Variants in KLHL15 observed in about 807,000 individuals in gnomAD.
KLHL15 encodes the protein kelch-like protein 15.
In KLHL15, 1 loss-of-function variant was observed where a neutral mutation model predicts 29.3. The ratio of observed to expected loss-of-function variants is 0.03; its 90% CI spans 0.01 to 0.16. The LOEUF (loss-of-function observed/expected upper bound fraction) is 0.16. Ranked by LOEUF, KLHL15 falls within the 10% of genes least tolerant of loss-of-function variation. The probability of loss-of-function intolerance (pLI) is 1.00; values close to 1 mark genes in which losing one functional copy is unlikely to be tolerated. For missense variants in KLHL15, 215 were observed against 478.5 expected (o/e 0.45, Z 5.14); for synonymous variants, 212 against 184.5 (o/e 1.15, Z -1.21).
intron 2 of KLHL15, among the ~76,000 whole-genome samples, chrX:24,017,310 A>T (rs181387987): frequency 1.8e-5 from 2 of 110,775 alleles, no homozygotes; most frequent in East Asian, 5.6e-4. Flanking sequence ...TTACTGTGTG[A>T]CCTACAGAAA....
At chrX:24,017,596 C>T (rs190819036) in intron 2 of KLHL15, among the ~76,000 whole-genome samples, 20 of 108,812 alleles carry the variant, frequency 1.8e-4, no homozygotes, top group Middle Eastern at 4.8e-3. Context: ...GCATGGGCAA[C>T]GTGGCAAAAC....
In KLHL15 at chrX:24,017,037, A is replaced by G. The variant is rs190561057; in HGVS notation, c.-8+7820T>C. ...AAGACTAGATTCTAGCCTGCGCAACATATCAAAACCCCGTCTCTACAAAAA... is the reference window on the plus strand; with the variant it reads ...AAGACTAGATTCTAGCCTGCGCAACGTATCAAAACCCCGTCTCTACAAAAA... On this transcript the variant is annotated intron_variant, in intron 2 of 3. Coordinates refer to ENST00000328046, the MANE Select transcript of KLHL15 (RefSeq NM_030624.3). 7.3e-5 allele frequency among the ~76,000 whole-genome samples: 8 copies of G among 110,097 alleles called. No individual in the cohort carries two copies. In the East Asian group the frequency reaches 2.0e-3, roughly 28 times the overall value.
chrX:24,009,033 C>T (rs1929518161), intron 2 of KLHL15, among the ~76,000 whole-genome samples: 1 of 111,416 alleles, frequency 9.0e-6, no homozygotes, highest in Admixed American at 9.6e-5. Flanking sequence ...TACACATCTT[C>T]TGATCAATCA....
At position 23,987,691 on chromosome X, in the gene KLHL15, AC is replaced by A; in HGVS notation, c.*229del. 2.9e-6 allele frequency: 1 copy of A among 346,151 alleles called. No homozygotes were observed. The highest frequency in any genetic ancestry group is 5.3e-5 in the Admixed American group (1 of 18,855). The allele number at this position is 346,151 out of a possible 1,213,427, so 28.5% of individuals were successfully genotyped here. On this transcript the variant is annotated 3_prime_UTR_variant, in exon 4 of 4. Transcript: ENST00000328046. ...CCAGATAAGTGGAGCATTCTATTCA[AC>A]TGCTTCTGGAAGTAGTTTCAAGAGC...
intron 2 of KLHL15, among the ~76,000 whole-genome samples, chrX:24,013,519 C>G (rs1183501245): frequency 3.6e-5 from 4 of 110,726 alleles, no homozygotes; most frequent in African/African-American, 1.3e-4. Flanking sequence ...CTGCCTCGGC[C>G]TCCCAAAGTG....
intron 3 of KLHL15, among the ~76,000 whole-genome samples, chrX:23,998,285 G>A (rs1351055697): frequency 9.4e-6 from 1 of 106,380 alleles, no homozygotes; most frequent in Non-Finnish European, 1.9e-5. Flanking sequence ...GTGAGACGGA[G>A]TCTTGCTGTT....
chrX:24,006,906 A>ACATCAATAGTT, intron 2 of KLHL15, among the ~76,000 whole-genome samples: 2 of 112,086 alleles, frequency 1.8e-5, no homozygotes, highest in East Asian at 5.6e-4. Context: ...TATTAAAGAT[A>ACATCAATAGTT]CATCAATAGT....
At chrX:23,994,242 G>C (rs1186363582) in intron 3 of KLHL15, among the ~76,000 whole-genome samples, 1 of 111,388 alleles carries the variant, frequency 9.0e-6, no homozygotes. Context: ...CACAAGAGAA[G>C]ACTCAGAAAG....
intron 3 of KLHL15, among the ~76,000 whole-genome samples, chrX:23,999,595 A>AAAAC: frequency 2.5e-5 from 1 of 39,770 alleles, no homozygotes. Flanking sequence ...ACTCCGTCTC[A>AAAAC]AAAAAAAAAA....
chrX:23,988,161 C>T lies in KLHL15; in HGVS notation c.1575G>A (p.Leu525=). 9 of 1,211,789 alleles carry T rather than the reference C, an allele frequency of 7.4e-6. No individual in the cohort carries two copies. The highest frequency in any genetic ancestry group is 8.9e-6 in the Non-Finnish European group (8 of 895,490). ...YNPETDQWTI[L]ASMPIGRSGH... is the part of the protein sequence containing the mutation. ...CACTTCTACCAATCGGCATGGATGC[C>T]AAGATGGTCCACTGATCAGTCTCTG... Residue 525 remains leucine, a synonymous_variant, in exon 4 of 4, where the codon TTG becomes TTA. Coordinates refer to ENST00000328046, the MANE Select transcript of KLHL15 (RefSeq NM_030624.3).
rs181025330 is a variant in KLHL15, at chrX:24,017,072, C to T, written c.-8+7785G>A. Among the ~76,000 whole-genome samples, 591 of 109,685 alleles carry T rather than the reference C, an allele frequency of 5.4e-3. 5 individuals carry two copies. Among genetic ancestry groups the T allele is most frequent in the African/African-American group, 0.018 (547 of 30,107 alleles). On this transcript the variant is annotated intron_variant, in intron 2 of 3. Transcript: ENST00000328046. Reference sequence around the variant, plus strand: ...CCCGTCTCTACAAAAATTAGCTGGGCGTGGTAGTGTGTGCCTGTAGTCTCA... The same window carrying T: ...CCCGTCTCTACAAAAATTAGCTGGGTGTGGTAGTGTGTGCCTGTAGTCTCA...
At chrX:24,013,668 C>T (rs1218732212) in intron 2 of KLHL15, among the ~76,000 whole-genome samples, 1 of 110,970 alleles carries the variant, frequency 9.0e-6, no homozygotes, top group Non-Finnish European at 1.9e-5. Flanking sequence ...GTTTGAATAA[C>T]CATTCTAAGA....
At position 23,984,348 on chromosome X, in the gene KLHL15, T is replaced by G. The variant is rs1316682191; in HGVS notation, c.*3573A>C. ...TCCATTTTTAAGATAAATCTCTTTTTAGAAGATATTTATTCCCAAACCAAC... is the reference window on the plus strand; with the variant it reads ...TCCATTTTTAAGATAAATCTCTTTTGAGAAGATATTTATTCCCAAACCAAC... On this transcript the variant is annotated 3_prime_UTR_variant, in exon 4 of 4. Coordinates refer to ENST00000328046, the MANE Select transcript of KLHL15 (RefSeq NM_030624.3). 1 of 112,093 alleles carries G rather than the reference T, an allele frequency of 8.9e-6. No individual in the cohort carries two copies. Among genetic ancestry groups the G allele is most frequent in the Non-Finnish European group, 1.9e-5 (1 of 53,163 alleles). 9.2% of individuals were successfully genotyped at this position (112,093 alleles called of 1,213,427 possible). A position where few individuals can be genotyped will look rare whatever the true frequency, so the allele number is the denominator to read the frequency against.
At chrX:23,995,312 CAGG>C (rs767072917) in intron 3 of KLHL15, among the ~76,000 whole-genome samples, 8 of 104,123 alleles carry the variant, frequency 7.7e-5, no homozygotes, top group Non-Finnish European at 1.4e-4. Context: ...GAGGCTGAGG[CAGG>C]AGAATTGCTT....
chrX:23,998,291 C>T, intron 3 of KLHL15, among the ~76,000 whole-genome samples: 1 of 108,623 alleles, frequency 9.2e-6, no homozygotes, highest in Non-Finnish European at 1.9e-5. Flanking sequence ...CGGAGTCTTG[C>T]TGTTGCCCAG....
chrX:23,993,876 A>G (rs1267184068), intron 3 of KLHL15, among the ~76,000 whole-genome samples: 1 of 107,613 alleles, frequency 9.3e-6, no homozygotes, highest in Non-Finnish European at 1.9e-5. Flanking sequence ...AAAAATAATA[A>G]TAATTAAAAA....
intron 2 of KLHL15, among the ~76,000 whole-genome samples, chrX:24,008,883 AC>A (rs200407458): frequency 4.7e-5 from 5 of 107,352 alleles, no homozygotes; most frequent in Non-Finnish European, 9.6e-5. Context: ...AAAAAAAAAA[AC>A]AAAACAAAAA....
chrX:24,014,015 C>T (rs975933119), intron 2 of KLHL15, among the ~76,000 whole-genome samples: 6 of 108,865 alleles, frequency 5.5e-5, no homozygotes, highest in African/African-American at 2.0e-4. Flanking sequence ...TGCCTGTAAT[C>T]CAAGCAACTC....
At chrX:24,004,129 C>T (rs1929394771) in intron 3 of KLHL15, among the ~76,000 whole-genome samples, 1 of 109,507 alleles carries the variant, frequency 9.1e-6, no homozygotes, top group Non-Finnish European at 1.9e-5. Flanking sequence ...GCAGAATGCC[C>T]CCTTCCCTAC....
Sources: allele counts gnomAD v4.1 joint callset (sites outside exome capture counted in the v4.1 genomes callset), GRCh38; gene constraint gnomAD v4.1.1; transcripts MANE v1.5; gene names NCBI Gene and HGNC (gene_info 2026-07-23, HGNC 2026-07-21).